TRMT44: variants seen among roughly 807,000 people sequenced by gnomAD.
The protein encoded by TRMT44 is probable tRNA (uracil-O(2)-)-methyltransferase.
In TRMT44, 78 loss-of-function variants were observed where a neutral mutation model predicts 77.3. That is an observed-to-expected ratio of 1.01 (90% CI 0.84 to 1.22). TRMT44 has a LOEUF of 1.22. Among genes scored for constraint, TRMT44 ranks in the 50% most tolerant of loss-of-function variants. TRMT44 has a pLI of 0.00. For missense variants in TRMT44, 1,090 were observed against 964.4 expected (o/e 1.13, Z -1.73); for synonymous variants, 391 against 383.3 (o/e 1.02, Z -0.23).
chr4:8,467,834 T>G (rs1375089673), intron 8 of TRMT44, 80 bp from the exon 9 acceptor site: 25 of 1,427,770 alleles, frequency 1.8e-5, no homozygotes, highest in Non-Finnish European at 2.3e-5. Flanking sequence ...TGATTTGTAC[T>G]CCAGGATGAG....
chr4:8,455,288 C>A (rs1345901927), intron 6 of TRMT44, among the ~76,000 whole-genome samples: 1 of 152,220 alleles, frequency 6.6e-6, no homozygotes, highest in African/African-American at 2.4e-5. Flanking sequence ...GTTTAGAGGG[C>A]TGTGGGGACT....
chr4:8,475,919 T>C lies in TRMT44; in HGVS notation c.2192T>C (p.Leu731Pro), dbSNP rs144590076. 161 of 1,614,222 alleles carry C rather than the reference T, an allele frequency of 1.0e-4. No individual in the cohort carries two copies. The East Asian group carries it at 3.5e-3, about 35-fold the overall frequency. Residue 731 changes from leucine (L) to proline (P), a missense_variant, in exon 11 of 11, where the codon CTG (leucine) becomes CCG (proline). Coordinates refer to ENST00000389737, the MANE Select transcript of TRMT44 (RefSeq NM_152544.3). ...ATGCATCACCCTGATGGCTGCGCTC[T>C]GTCCACGGACTGCTGCCCGTTTGCC... The part of the protein sequence containing the change: ...FFMHHPDGCA[L>P]STDCCPFAHG...
chr4:8,446,531 C>T lies in TRMT44; in HGVS notation c.675C>T (p.Asn225=), dbSNP rs61737583. The T allele has an allele frequency of 4.1e-4, 634 of 1,536,390 alleles. 5 individuals are homozygous for T. The African/African-American group carries it at 7.7e-3, about 19-fold the overall frequency. ...FLPLEEDDEG[N]LKVKMSNVYQ... Reference sequence around the variant, plus strand: ...CTTTGGAAGAAGATGATGAGGGGAACCTAAAGGTTAAGATGAGCAATGTGT... The same window carrying T: ...CTTTGGAAGAAGATGATGAGGGGAATCTAAAGGTTAAGATGAGCAATGTGT... The change falls in exon 2 of 11, where the codon AAC becomes AAT. Residue 225 remains asparagine (N), a synonymous_variant. Transcript: ENST00000389737. This position sits in a 1 kb window ranked among gnomAD's most constrained non-coding sequence, Gnocchi z 4.3.
Position 8,441,261 on chromosome 4 carries a change from G to T in TRMT44, c.439G>T (p.Glu147Ter). 6.5e-7 allele frequency: 1 copy of T among 1,535,636 alleles called. No individual in the cohort carries two copies. The highest frequency in any genetic ancestry group is 8.7e-7 in the Non-Finnish European group (1 of 1,146,682). Residue 147 changes from glutamate (E) to a stop codon, truncating the protein, a stop_gained, in exon 1 of 11, where the codon GAG becomes TAG. Coordinates refer to ENST00000389737, the MANE Select transcript of TRMT44 (RefSeq NM_152544.3). LOFTEE classifies it high-confidence loss of function. Reference sequence around the variant, plus strand: ...CGCCGCAGATCTGGATTCGCTTTGGGAGGATTTCTCCCAAAGTCTCGCCCG... The same window carrying T: ...CGCCGCAGATCTGGATTCGCTTTGGTAGGATTTCTCCCAAAGTCTCGCCCG... ...FPAADLDSLW[E>*]DFSQSLARGN...
At chr4:8,464,750 A>G (rs941786681) in intron 7 of TRMT44, among the ~76,000 whole-genome samples, 2 of 152,212 alleles carry the variant, frequency 1.3e-5, no homozygotes, top group African/African-American at 4.8e-5. Flanking sequence ...GATAACAGGA[A>G]CTGTGGAAAA....
chr4:8,441,467 A>G (rs1724690661), intron 1 of TRMT44, 26 bp downstream of exon 1: 2 of 1,454,956 alleles, frequency 1.4e-6, no homozygotes, highest in Non-Finnish European at 1.8e-6. Context: ...TAGTGGACGG[A>G]TATGATTAGA....
At position 8,452,372 on chromosome 4, in the gene TRMT44, G is replaced by T. The variant is rs145492158; in HGVS notation, c.1023+344G>T. Among the ~76,000 whole-genome samples, 2 of 152,336 alleles carry T rather than the reference G, an allele frequency of 1.3e-5. No homozygotes were observed. Among genetic ancestry groups the T allele is most frequent in the East Asian group, 3.9e-4 (2 of 5,188 alleles). Reference sequence around the variant, plus strand: ...GAACCTTCTAGCCCTTTCCTCAGCTGGCTCGCTAGCTGGCTACATTTGGAC... The same window carrying T: ...GAACCTTCTAGCCCTTTCCTCAGCTTGCTCGCTAGCTGGCTACATTTGGAC... On this transcript the variant is annotated intron_variant, in intron 4 of 10. Coordinates refer to ENST00000389737, the MANE Select transcript of TRMT44 (RefSeq NM_152544.3). This position sits in a 1 kb window ranked among gnomAD's most constrained non-coding sequence, Gnocchi z 5.7.
At chr4:8,459,912 T>C (rs1159166511) in intron 6 of TRMT44, among the ~76,000 whole-genome samples, 1 of 151,952 alleles carries the variant, frequency 6.6e-6, no homozygotes, top group Admixed American at 6.6e-5. Flanking sequence ...GGGGGTGTTG[T>C]GTAGTGGCCG....
intron 10 of TRMT44, among the ~76,000 whole-genome samples, chr4:8,474,005 A>G (rs551239787): frequency 1.3e-5 from 2 of 152,206 alleles, no homozygotes; most frequent in East Asian, 3.9e-4. Context: ...CTTCCAAAAC[A>G]TGGTTGGGTG....
At chr4:8,477,236 G>A (rs1727435956), downstream of TRMT44, 1 of 152,242 alleles carries the variant, frequency 6.6e-6, no homozygotes, top group Non-Finnish European at 1.5e-5. Flanking sequence ...GAGAATAAAT[G>A]GGCATCTTCT....
chr4:8,462,132 C>T (rs113097971), intron 6 of TRMT44, among the ~76,000 whole-genome samples: 1,567 of 152,212 alleles, frequency 0.01, 29 homozygotes, highest in African/African-American at 0.036. Context: ...TCATAAAAGC[C>T]GGGTGTGGTG....
intron 8 of TRMT44, 52 bp from the exon 9 acceptor site, chr4:8,467,862 G>A: frequency 3.3e-6 from 5 of 1,511,706 alleles, no homozygotes; most frequent in African/African-American, 2.8e-5. Flanking sequence ...CATGGAGAAC[G>A]TTGAAATAGA....
chr4:8,457,834 T>C (rs1043385262), intron 6 of TRMT44, among the ~76,000 whole-genome samples: 1 of 152,194 alleles, frequency 6.6e-6, no homozygotes, highest in East Asian at 1.9e-4. Flanking sequence ...GTGTCATGCC[T>C]GACTTCACAG....
At chr4:8,470,467 A>G (rs907561230) in intron 9 of TRMT44, among the ~76,000 whole-genome samples, 2 of 152,350 alleles carry the variant, frequency 1.3e-5, no homozygotes, top group Middle Eastern at 6.8e-3. Flanking sequence ...TTCATATCCA[A>G]TTTGATGTTT....
intron 2 of TRMT44, among the ~76,000 whole-genome samples, chr4:8,487,955 T>A (rs1214273055): frequency 6.6e-6 from 1 of 152,076 alleles, no homozygotes. Flanking sequence ...GAGTTTTGGA[T>A]CCACGGATAA....
chr4:8,472,484 A>C (rs988776664), intron 10 of TRMT44, among the ~76,000 whole-genome samples: 2 of 152,228 alleles, frequency 1.3e-5, no homozygotes, highest in Non-Finnish European at 2.9e-5. Context: ...GATCAGGTGC[A>C]GTACAGTGTC....
At chr4:8,478,276 G>C (rs1448421110), downstream of TRMT44, 1 of 152,762 alleles carries the variant, frequency 6.5e-6, no homozygotes, top group African/African-American at 2.4e-5. Context: ...CAAGGACACA[G>C]TCTCAAAGGA....
intron 2 of TRMT44, among the ~76,000 whole-genome samples, chr4:8,485,356 G>C (rs1035004453): frequency 3.3e-5 from 5 of 152,192 alleles, no homozygotes; most frequent in African/African-American, 9.7e-5. Flanking sequence ...AAAACAATTT[G>C]GTTGATAAGG....
chr4:8,472,576 G>A (rs1444760549), intron 10 of TRMT44, among the ~76,000 whole-genome samples: 1 of 152,124 alleles, frequency 6.6e-6, no homozygotes, highest in Non-Finnish European at 1.5e-5. Context: ...GTGGGTTTGT[G>A]CACACACACA....
Sources: allele counts gnomAD v4.1 joint callset (sites outside exome capture counted in the v4.1 genomes callset), GRCh38; gene constraint gnomAD v4.1.1; non-coding constraint Gnocchi (gnomAD v3.1); transcripts MANE v1.5; gene names NCBI Gene and HGNC (gene_info 2026-07-23, HGNC 2026-07-21).